Variants in RP1 observed in about 807,000 individuals in gnomAD.
RP1 encodes the protein oxygen-regulated protein 1.
A neutral mutation model predicts 14.8 loss-of-function variants in RP1; 16 were observed. The ratio of observed to expected loss-of-function variants is 1.08; its 90% CI spans 0.73 to 1.65. The LOEUF (loss-of-function observed/expected upper bound fraction) is 1.65. RP1 is among the 40% of genes most tolerant of loss of function. The probability of loss-of-function intolerance (pLI) is 0.00; values close to 1 mark genes in which losing one functional copy is unlikely to be tolerated. For missense variants in RP1, 2,631 were observed against 2,535.0 expected (o/e 1.04, Z -0.81); for synonymous variants, 876 against 883.6 (o/e 0.99, Z 0.15).
chr8:54,575,704 T>C (rs1168655241), intron 1 of RP1, among the ~76,000 whole-genome samples: 1 of 152,326 alleles, frequency 6.6e-6, no homozygotes, highest in Non-Finnish European at 1.5e-5. Context: ...ACTTGTGTCA[T>C]GGATTTGTGC....
At chr8:54,790,567 A>AC (rs1352145779) in intron 24 of RP1, among the ~76,000 whole-genome samples, 1 of 151,812 alleles carries the variant, frequency 6.6e-6, no homozygotes, top group East Asian at 1.9e-4. Context: ...TGAACTTCAA[A>AC]AAAAAAAAAA....
chr8:54,829,182 G>A (rs895120920), intron 24 of RP1, among the ~76,000 whole-genome samples: 4 of 152,020 alleles, frequency 2.6e-5, no homozygotes, highest in Non-Finnish European at 1.5e-5. Context: ...TGACCCAAAT[G>A]TTGTTATGCA....
chr8:54,716,813 TG>T (rs1808416078), intron 15 of RP1, among the ~76,000 whole-genome samples: 1 of 152,218 alleles, frequency 6.6e-6, no homozygotes, highest in Admixed American at 6.5e-5. Flanking sequence ...ATCCATCTTC[TG>T]GATGTCCCCA....
intron 8 of RP1, among the ~76,000 whole-genome samples, chr8:54,677,083 G>A (rs796869221): frequency 1.3e-5 from 2 of 151,058 alleles, no homozygotes; most frequent in African/African-American, 4.9e-5. Context: ...CAATGCTTGG[G>A]GTCTTATCTA....
chr8:54,654,748 A>G (rs1176885721), intron 5 of RP1, among the ~76,000 whole-genome samples: 1 of 152,154 alleles, frequency 6.6e-6, no homozygotes, highest in African/African-American at 2.4e-5. Flanking sequence ...CCCAGGCTCA[A>G]GCGATCCTCC....
At position 54,867,845 on chromosome 8, in the gene RP1, A is replaced by C. The variant is rs551504699; in HGVS notation, c.4151+1929A>C. The stretch of plus-strand genomic sequence containing the variant: ...TATGGCTAATTAAATTTAAATTAAT[A>C]AAATCAAATCAAATAAAAATTCAGT... On this transcript the variant is annotated intron_variant, in intron 28 of 28. Coordinates refer to the RP1 transcript ENST00000637698. Among the ~76,000 whole-genome samples the C allele has an allele frequency of 4.3e-4, 65 of 152,314 alleles. 2 individuals carry two copies. Among genetic ancestry groups the C allele is most frequent in the East Asian group, 3.9e-4 (2 of 5,190 alleles).
chr8:54,823,511 G>A (rs1811307501), intron 24 of RP1, among the ~76,000 whole-genome samples: 1 of 152,192 alleles, frequency 6.6e-6, no homozygotes, highest in Admixed American at 6.5e-5. Context: ...TGTGTTTTTA[G>A]TAGAGACGGG....
At chr8:54,836,993 T>C (rs182849488) in intron 24 of RP1, among the ~76,000 whole-genome samples, 7 of 152,276 alleles carry the variant, frequency 4.6e-5, no homozygotes, top group Admixed American at 2.6e-4. Context: ...AATACAATCA[T>C]GTTACCAACA....
chr8:54,739,045 AT>A, intron 19 of RP1: 3 of 1,510,646 alleles, frequency 2.0e-6, no homozygotes, highest in Admixed American at 2.0e-5. Context: ...CATGTCACTT[AT>A]TTTTTTCTTC....
intron 24 of RP1, among the ~76,000 whole-genome samples, chr8:54,796,016 T>C (rs760001925): frequency 2.6e-5 from 4 of 152,178 alleles, no homozygotes; most frequent in Non-Finnish European, 5.9e-5. Context: ...TAAACCACAT[T>C]TTCTAGGATC....
chr8:54,641,486 G>T (rs1806454196), intron 3 of RP1, among the ~76,000 whole-genome samples: 1 of 151,938 alleles, frequency 6.6e-6, no homozygotes, highest in Non-Finnish European at 1.5e-5. Context: ...TTCTTAAGTA[G>T]CTTAATTAAT....
chr8:54,726,463 T>A, exon 17 of RP1: 1 of 1,529,612 alleles, frequency 6.5e-7, no homozygotes, highest in Non-Finnish European at 8.7e-7. Flanking sequence ...GTCCCTTACC[T>A]TCTTCAACTG....
Position 54,646,281 on chromosome 8 carries a change from A to C in RP1, c.788-2704A>C, listed in dbSNP as rs1806548349. ...TCTTATTGTTCTCTTCCTCCTCCCT[A>C]CTCTCTCCTTCTCCTCCCCCTCCCC... On this transcript the variant is annotated intron_variant, in intron 3 of 22. Transcript: ENST00000636932. Among the ~76,000 whole-genome samples the C allele has an allele frequency of 5.5e-5, 8 of 145,316 alleles. No individual in the cohort carries two copies. The South Asian group carries it at 1.1e-3, about 20-fold the overall frequency.
At chr8:54,582,614 A>G (rs1237231810) in intron 1 of RP1, among the ~76,000 whole-genome samples, 1 of 152,106 alleles carries the variant, frequency 6.6e-6, no homozygotes, top group Non-Finnish European at 1.5e-5. Flanking sequence ...TTTTCACGAT[A>G]TTGATTCTTC....
At chr8:54,585,217 G>T (rs1309740853) in intron 1 of RP1, among the ~76,000 whole-genome samples, 1 of 152,164 alleles carries the variant, frequency 6.6e-6, no homozygotes, top group East Asian at 1.9e-4. Flanking sequence ...CTCAGCATTT[G>T]CTTGTCTGTA....
chr8:54,621,419 C>T lies in RP1; in HGVS notation c.453C>T (p.Arg151=). 6.2e-7 allele frequency: 1 copy of T among 1,613,510 alleles called. No individual in the cohort carries two copies. Among genetic ancestry groups the T allele is most frequent in the Non-Finnish European group, 8.5e-7 (1 of 1,179,970 alleles). The part of the protein sequence containing the change: ...PVAVAAPGMP[R]PPRSLVVFRN... The stretch of plus-strand genomic sequence containing the variant: ...CCGTCGCTGCTCCCGGCATGCCCCG[C>T]CCCCCACGGAGCCTAGTGGTCTTCA... Residue 151 remains arginine, a synonymous_variant, in exon 2 of 4, where the codon CGC becomes CGT. Coordinates refer to ENST00000220676, the MANE Select transcript of RP1 (RefSeq NM_006269.2).
chr8:54,683,995 G>GTTT (rs35978244), intron 12 of RP1, among the ~76,000 whole-genome samples: 46 of 132,044 alleles, frequency 3.5e-4, no homozygotes, highest in African/African-American at 6.4e-4. Context: ...TTGCTTGAGA[G>GTTT]TTTTTTTTTT....
chr8:54,772,286 C>T (rs1372322068), downstream of RP1, among the ~76,000 whole-genome samples: 1 of 151,948 alleles, frequency 6.6e-6, no homozygotes, highest in African/African-American at 2.4e-5. Context: ...TTATCAGTGC[C>T]TTTGGCATAT....
intron 22 of RP1, chr8:54,759,117 A>G: frequency 1.5e-6 from 2 of 1,370,552 alleles, no homozygotes; most frequent in Non-Finnish European, 9.8e-7. Flanking sequence ...AGTATGCTGC[A>G]CTGTGGATGA....
Sources: allele counts gnomAD v4.1 joint callset (sites outside exome capture counted in the v4.1 genomes callset), GRCh38; gene constraint gnomAD v4.1.1; transcripts MANE v1.5; gene names NCBI Gene and HGNC (gene_info 2026-07-23, HGNC 2026-07-21).